TSPEAR: variants seen among roughly 807,000 people sequenced by gnomAD.
The protein encoded by TSPEAR is thrombospondin-type laminin G domain and EAR repeat-containing protein.
TSPEAR carries 69 observed loss-of-function variants against 71.6 expected under a neutral mutation model. That is an observed-to-expected ratio of 0.96 (90% confidence interval 0.79 to 1.18). The LOEUF is 1.18. Ranked by LOEUF, TSPEAR falls within the 50% of genes most tolerant of loss-of-function variation. TSPEAR has a pLI of 0.00. For missense variants in TSPEAR, 971 were observed against 894.9 expected (o/e 1.09, Z -1.09); for synonymous variants, 402 against 387.2 (o/e 1.04, Z -0.45).
At chr21:44,689,491 G>C (rs1555949429) in intron 1 of TSPEAR, among the ~76,000 whole-genome samples, 4 of 148,570 alleles carry the variant, frequency 2.7e-5, no homozygotes. Flanking sequence ...GACAGAGCGA[G>C]ACTCCATCTC....
chr21:44,622,863 G>A (rs587601379), intron 1 of TSPEAR, among the ~76,000 whole-genome samples: 91 of 152,284 alleles, frequency 6.0e-4, no homozygotes, highest in Non-Finnish European at 8.8e-4. Context: ...GGCCTTGGGG[G>A]AGCTATTTGA....
chr21:44,519,978 C>T (rs1481544753), intron 9 of TSPEAR: 1 of 152,372 alleles, frequency 6.6e-6, no homozygotes, highest in African/African-American at 2.4e-5. Flanking sequence ...GAATCTTGCT[C>T]ACCCCCAATC....
intron 1 of TSPEAR, among the ~76,000 whole-genome samples, chr21:44,703,756 C>G (rs1239736929): frequency 6.6e-6 from 1 of 152,184 alleles, no homozygotes; most frequent in Non-Finnish European, 1.5e-5. Flanking sequence ...GGGGCCCAAG[C>G]TGGCCACTCT....
At chr21:44,508,858 T>C (rs1555912226) in intron 10 of TSPEAR, 1 of 1,413,606 alleles carries the variant, frequency 7.1e-7, no homozygotes, top group Non-Finnish European at 9.5e-7. Flanking sequence ...CCTGTCCCTC[T>C]GGGGCCTCGG....
At chr21:44,502,277 A>G (rs1283338378) in intron 11 of TSPEAR, among the ~76,000 whole-genome samples, 1 of 152,226 alleles carries the variant, frequency 6.6e-6, no homozygotes, top group East Asian at 1.9e-4. Context: ...TTCTGCCGCC[A>G]TCCAAGATTG....
intron 1 of TSPEAR, among the ~76,000 whole-genome samples, chr21:44,633,800 T>G (rs1983388618): frequency 6.6e-6 from 1 of 152,248 alleles, no homozygotes; most frequent in Admixed American, 6.5e-5. Flanking sequence ...TTAAAAATTT[T>G]TTTTAATCAG....
intron 1 of TSPEAR, among the ~76,000 whole-genome samples, chr21:44,616,303 G>A (rs1982091303): frequency 6.6e-6 from 1 of 152,300 alleles, no homozygotes; most frequent in Middle Eastern, 3.4e-3. Context: ...CTCTAAAGCG[G>A]GGAGAGATCT....
intron 9 of TSPEAR, chr21:44,516,687 C>T (rs1157742053): frequency 2.0e-5 from 3 of 152,234 alleles, no homozygotes; most frequent in African/African-American, 7.2e-5. Flanking sequence ...CCCACCCAGG[C>T]GATTTCTATG....
At chr21:44,562,381 G>A (rs966642403) in intron 2 of TSPEAR, among the ~76,000 whole-genome samples, 8 of 152,040 alleles carry the variant, frequency 5.3e-5, no homozygotes, top group Non-Finnish European at 7.4e-5. Flanking sequence ...AGGAAGAATC[G>A]ATATCATGAA....
intron 2 of TSPEAR, among the ~76,000 whole-genome samples, chr21:44,542,844 T>G (rs2053245041): frequency 6.7e-6 from 1 of 149,848 alleles, no homozygotes. Flanking sequence ...AAACTACACC[T>G]GGGCACATTG....
intron 1 of TSPEAR, among the ~76,000 whole-genome samples, chr21:44,696,531 A>G (rs1987341281): frequency 6.6e-6 from 1 of 152,230 alleles, no homozygotes; most frequent in Non-Finnish European, 1.5e-5. Context: ...TGCTCAGAAT[A>G]CTTCCTGACA....
intron 1 of TSPEAR, among the ~76,000 whole-genome samples, chr21:44,610,328 G>A (rs587706277): frequency 1.3e-5 from 2 of 152,158 alleles, no homozygotes; most frequent in Non-Finnish European, 2.9e-5. Context: ...AAGTGGTTTC[G>A]TGGGTCCAGG....
At chr21:44,678,165 T>C in intron 1 of TSPEAR, 1 of 517,500 alleles carries the variant, frequency 1.9e-6, no homozygotes, top group Non-Finnish European at 3.5e-6. Context: ...TGTACATATG[T>C]CAAGGATGCC....
In TSPEAR at chr21:44,683,993, T is replaced by C. The variant is rs549555736; in HGVS notation, c.82+27440A>G. Among the ~76,000 whole-genome samples the C allele has an allele frequency of 3.9e-4, 60 of 152,264 alleles. No homozygotes were observed. In the South Asian group the frequency reaches 0.012, roughly 32 times the overall value. On this transcript the variant is annotated intron_variant, in intron 1 of 11. Coordinates refer to ENST00000323084, the MANE Select transcript of TSPEAR (RefSeq NM_144991.3). ...TCAACAACGTCCAAATCCAGGAATCTCAGAAAGCCCCCAGTAGGATAAATA... is the reference window on the plus strand; with the variant it reads ...TCAACAACGTCCAAATCCAGGAATCCCAGAAAGCCCCCAGTAGGATAAATA...
At chr21:44,655,190 C>A (rs1279353231) in intron 1 of TSPEAR, among the ~76,000 whole-genome samples, 26 of 152,126 alleles carry the variant, frequency 1.7e-4, no homozygotes, top group African/African-American at 5.8e-4. Flanking sequence ...CCCCATTTTA[C>A]AGATGTGCAA....
At chr21:44,518,252 C>T (rs2052647152) in intron 9 of TSPEAR, 2 of 461,086 alleles carry the variant, frequency 4.3e-6, no homozygotes, top group Non-Finnish European at 8.9e-6. Flanking sequence ...TAGCCTGACT[C>T]CTGCAGTTTT....
chr21:44,513,697 C>T (rs587638956), intron 9 of TSPEAR, among the ~76,000 whole-genome samples: 55 of 152,294 alleles, frequency 3.6e-4, no homozygotes, highest in African/African-American at 1.3e-3. Flanking sequence ...AGTTGCTGGG[C>T]AAAGAGGCCC....
intron 1 of TSPEAR, chr21:44,638,055 C>T (rs781995050): frequency 5.0e-6 from 8 of 1,613,278 alleles, no homozygotes; most frequent in Non-Finnish European, 5.9e-6. Context: ...GGTGCCTCTG[C>T]CTCCTCCTGC....
intron 1 of TSPEAR, among the ~76,000 whole-genome samples, chr21:44,587,158 AG>A (rs1172875319): frequency 6.6e-6 from 1 of 152,226 alleles, no homozygotes; most frequent in Non-Finnish European, 1.5e-5. Context: ...TCCTACAAAA[AG>A]CTCCTAGAAC....
Sources: gnomAD v4.1 joint callset for allele counts (sites outside exome capture counted in the v4.1 genomes callset) on GRCh38, gnomAD v4.1.1 for gene constraint, MANE v1.5 for transcripts, NCBI Gene and HGNC (gene_info 2026-07-23, HGNC 2026-07-21) for gene names.